RELB: variants seen among roughly 807,000 people sequenced by gnomAD.
RELB encodes the protein transcription factor RelB.
Under a neutral mutation model 55.4 loss-of-function variants are expected in RELB, and 14 were observed. That is an observed-to-expected ratio of 0.25 (90% CI 0.17 to 0.40). The LOEUF (loss-of-function observed/expected upper bound fraction) is 0.40, where lower values mean the gene tolerates loss of function less well. Among genes scored for constraint, RELB ranks in the 10% least tolerant of loss-of-function variants. The pLI is 1.00. For missense variants in RELB, 669 were observed against 830.7 expected, an observed-to-expected ratio of 0.81 and a Z score of 2.39; for synonymous variants, 409 against 371.3, an observed-to-expected ratio of 1.10 and a Z score of -1.17.
intron 4 of RELB, among the ~76,000 whole-genome samples, chr19:45,021,573 C>CTTTT (rs748646881): frequency 3.6e-4 from 33 of 91,362 alleles, no homozygotes; most frequent in South Asian, 1.7e-3. Flanking sequence ...TCAAAGTGGC[C>CTTTT]TTTTTTTTTT....
At chr19:45,014,608 C>T (rs1168586416) in intron 4 of RELB, among the ~76,000 whole-genome samples, 1 of 151,644 alleles carries the variant, frequency 6.6e-6, no homozygotes, top group South Asian at 2.1e-4. Context: ...ACCTCCACCT[C>T]CTGGGTTCAA....
chr19:45,029,451 G>A (rs1310381793), intron 8 of RELB, among the ~76,000 whole-genome samples: 1 of 151,910 alleles, frequency 6.6e-6, no homozygotes, highest in Non-Finnish European at 1.5e-5. Flanking sequence ...CGTGGCTCAA[G>A]CCTGTAATCC....
chr19:45,008,617 C>T, intron 2 of RELB: 1 of 448,282 alleles, frequency 2.2e-6, no homozygotes. Context: ...TTCACAGATC[C>T]CATGAGATAA....
chr19:45,012,426 C>A, intron 4 of RELB, 150 bp downstream of exon 4: 1 of 528,626 alleles, frequency 1.9e-6, no homozygotes, highest in East Asian at 3.6e-5. Context: ...GGCCTGGAAT[C>A]CAAAAGGTTC....
intron 7 of RELB, among the ~76,000 whole-genome samples, chr19:45,026,849 G>A (rs1600078732): frequency 6.6e-6 from 1 of 152,224 alleles, no homozygotes; most frequent in Middle Eastern, 3.4e-3. Flanking sequence ...GGGAATAACT[G>A]GTAGGTTTTA....
Position 45,037,872 on chromosome 19 carries a change from C to A in RELB, c.*82C>A. The A allele has an allele frequency of 7.4e-7, 1 of 1,358,398 alleles. No homozygotes were observed. Among genetic ancestry groups the A allele is most frequent in the Non-Finnish European group, 9.7e-7 (1 of 1,030,118 alleles). 84.1% of individuals were successfully genotyped at this position (1,358,398 alleles called of 1,614,324 possible). Reference sequence around the variant, plus strand: ...ATCCCAACCAGGATGTCTAGCACCCCCATCCCCTTGGCCCTTCCTCATGCT... The same window carrying A: ...ATCCCAACCAGGATGTCTAGCACCCACATCCCCTTGGCCCTTCCTCATGCT... On this transcript the variant is annotated 3_prime_UTR_variant, in exon 12 of 12. Coordinates refer to ENST00000221452, the MANE Select transcript of RELB (RefSeq NM_006509.4).
intron 7 of RELB, among the ~76,000 whole-genome samples, chr19:45,027,815 C>T (rs530496471): frequency 4.9e-4 from 75 of 152,218 alleles, no homozygotes; most frequent in Non-Finnish European, 8.8e-4. Flanking sequence ...AACCTTCTCT[C>T]ACCTGGGACC....
intron 4 of RELB, among the ~76,000 whole-genome samples, chr19:45,017,857 C>T (rs967498190): frequency 6.6e-5 from 10 of 151,098 alleles, no homozygotes; most frequent in Non-Finnish European, 1.0e-4. Flanking sequence ...GTTGCCCAGG[C>T]TGGTCTCGAA....
chr19:45,022,186 G>C lies in RELB; in HGVS notation c.638G>C (p.Arg213Pro), dbSNP rs372431384. ...CTDGICRVRL[R>P]PHVSPRHSFN... Reference sequence around the variant, plus strand: ...GACGGCATCTGCAGGGTGCGGCTCCGGCCTCACGTCAGCCCCCGGCACAGG... The same window carrying C: ...GACGGCATCTGCAGGGTGCGGCTCCCGCCTCACGTCAGCCCCCGGCACAGG... The change falls in exon 5 of 12, where the codon CGG becomes CCG. Residue 213 changes from arginine (R) to proline (P), a missense_variant. Physicochemically the swap from Arg to Pro is moderately radical, Grantham distance 103. Coordinates refer to ENST00000221452, the MANE Select transcript of RELB (RefSeq NM_006509.4). 1 of 1,606,548 alleles carries C rather than the reference G, an allele frequency of 6.2e-7. No homozygotes were observed. The highest frequency in any genetic ancestry group is 8.5e-7 in the Non-Finnish European group (1 of 1,177,994).
intron 11 of RELB, among the ~76,000 whole-genome samples, chr19:45,035,375 C>T (rs1296292188): frequency 2.6e-5 from 4 of 151,508 alleles, no homozygotes; most frequent in Non-Finnish European, 5.9e-5. Flanking sequence ...AAAAATTAGC[C>T]GAGTGTGGTG....
At chr19:45,013,940 G>C (rs1600068427) in intron 4 of RELB, among the ~76,000 whole-genome samples, 1 of 152,296 alleles carries the variant, frequency 6.6e-6, no homozygotes, top group South Asian at 2.1e-4. Context: ...CTCCAGCAGT[G>C]ATGCTGTGGC....
chr19:45,009,235 G>T (rs966488074), intron 2 of RELB, among the ~76,000 whole-genome samples: 2 of 151,950 alleles, frequency 1.3e-5, no homozygotes, highest in Admixed American at 6.6e-5. Context: ...TGCCCACCAC[G>T]ATACCCAGCT....
At position 45,012,239 on chromosome 19, in the gene RELB, G is replaced by A; in HGVS notation, c.467G>A (p.Ser156Asn). 2 of 1,463,514 alleles carry A rather than the reference G, an allele frequency of 1.4e-6. No homozygotes were observed. Among genetic ancestry groups the A allele is most frequent in the Non-Finnish European group, 1.8e-6 (2 of 1,121,586 alleles). The allele number at this position is 1,463,514 out of a possible 1,614,324, so 90.7% of individuals were successfully genotyped here. The change falls in exon 4 of 12, where the codon AGC becomes AAC. Residue 156 changes from serine (S) to asparagine (N), a missense_variant. Coordinates refer to ENST00000221452, the MANE Select transcript of RELB (RefSeq NM_006509.4). ...GRSAGSILGESSTEASKTLPA... is the reference protein window; with the variant it reads ...GRSAGSILGENSTEASKTLPA... ...TCGGCCGGCAGCATCCTTGGGGAGAGCAGCACCGAGGCCAGCAAGACGCTG... is the reference window on the plus strand; with the variant it reads ...TCGGCCGGCAGCATCCTTGGGGAGAACAGCACCGAGGCCAGCAAGACGCTG...
At chr19:45,018,936 C>T (rs889612350) in intron 4 of RELB, among the ~76,000 whole-genome samples, 31 of 152,076 alleles carry the variant, frequency 2.0e-4, no homozygotes, top group African/African-American at 7.5e-4. Flanking sequence ...AGATTACAGG[C>T]GTGAGCCACC....
rs139395970 is a variant in RELB at position 45,003,012 on chromosome 19, C to T, written c.154+16C>T. 2.8e-5 allele frequency: 45 copies of T among 1,611,336 alleles called. No homozygotes were observed. The Middle Eastern group carries it at 6.6e-4, about 24-fold the overall frequency. On this transcript the variant is annotated intron_variant, in intron 2 of 11. Coordinates refer to ENST00000221452, the MANE Select transcript of RELB (RefSeq NM_006509.4). ...AGGAGCACAGGTGAGCAGCCCTCCA[C>T]AGTTCCTGCCCACTCGCTCATGCAG...
intron 2 of RELB, among the ~76,000 whole-genome samples, chr19:45,004,741 C>T (rs533464484): frequency 7.0e-4 from 106 of 151,994 alleles, no homozygotes; most frequent in African/African-American, 2.5e-3. Context: ...GTGGCGCATG[C>T]CTGTAATCCC....
intron 8 of RELB, 63 bp from the exon 9 acceptor site, chr19:45,032,471 G>T: frequency 1.4e-6 from 2 of 1,380,748 alleles, no homozygotes; most frequent in Non-Finnish European, 2.0e-6. Flanking sequence ...GGGAGGCTGG[G>T]CAAGTTGGGA....
intron 1 of RELB, among the ~76,000 whole-genome samples, chr19:45,001,935 G>C (rs1156661393): frequency 6.6e-6 from 1 of 151,834 alleles, no homozygotes; most frequent in Non-Finnish European, 1.5e-5. Flanking sequence ...CTGAGGCAAA[G>C]AAGGGGGCGT....
chr19:45,003,406 C>A (rs941835725), intron 2 of RELB, among the ~76,000 whole-genome samples: 10 of 131,522 alleles, frequency 7.6e-5, no homozygotes, highest in Non-Finnish European at 1.1e-4. Flanking sequence ...ACCTGGGAGG[C>A]GGAGCTTGCA....
Sources: allele counts gnomAD v4.1 joint callset (sites outside exome capture counted in the v4.1 genomes callset), GRCh38; gene constraint gnomAD v4.1.1; transcripts MANE v1.5; gene names NCBI Gene and HGNC (gene_info 2026-07-23, HGNC 2026-07-21).